Variants in CNTN4 observed in about 807,000 individuals in gnomAD.
CNTN4 encodes the protein contactin 4, also known as contactin-4.
A neutral mutation model predicts 122.5 loss-of-function variants in CNTN4; 77 were observed. The observed-to-expected ratio is 0.63, with a 90% CI of 0.52 to 0.76. The LOEUF (loss-of-function observed/expected upper bound fraction) is 0.76. Among genes scored for constraint, CNTN4 ranks in the 30% least tolerant of loss-of-function variants. The pLI is 0.00. For synonymous variants in CNTN4, 512 were observed against 447.0 expected (o/e 1.15, Z -1.83); for missense variants, 1,256 against 1,259.1 (o/e 1.00, Z 0.04).
intron 2 of CNTN4, among the ~76,000 whole-genome samples, chr3:2,136,151 G>C (rs2034680557): frequency 6.6e-6 from 1 of 152,150 alleles, no homozygotes; most frequent in South Asian, 2.1e-4. Context: ...GGAGGTGTAA[G>C]GATGTAATCC....
chr3:2,346,211 C>T (rs929982367), intron 3 of CNTN4, among the ~76,000 whole-genome samples: 5 of 151,988 alleles, frequency 3.3e-5, no homozygotes, highest in Admixed American at 2.0e-4. Flanking sequence ...TTATTTCGGA[C>T]GTTTCACTGT....
intron 3 of CNTN4, among the ~76,000 whole-genome samples, chr3:2,520,365 T>C (rs1317959762): frequency 2.7e-5 from 4 of 146,748 alleles, no homozygotes; most frequent in Non-Finnish European, 6.0e-5. Flanking sequence ...ATTCACCATC[T>C]GGGCTCAAGT....
intron 2 of CNTN4, among the ~76,000 whole-genome samples, chr3:2,129,671 A>G (rs2034358144): frequency 6.6e-6 from 1 of 151,762 alleles, no homozygotes; most frequent in African/African-American, 2.4e-5. Flanking sequence ...TATTAAAGTT[A>G]GATTGTTTCT....
chr3:3,017,787 C>G (rs1697904496), intron 14 of CNTN4, among the ~76,000 whole-genome samples: 1 of 152,322 alleles, frequency 6.6e-6, no homozygotes, highest in East Asian at 1.9e-4. Flanking sequence ...ATAAGATGAA[C>G]TCCCAAACCA....
At chr3:2,887,723 G>A (rs141026473) in intron 10 of CNTN4, among the ~76,000 whole-genome samples, 16 of 152,206 alleles carry the variant, frequency 1.1e-4, no homozygotes, top group Middle Eastern at 6.8e-3. Context: ...AGAGTGGAAC[G>A]TGACAAATCT....
intron 13 of CNTN4, among the ~76,000 whole-genome samples, chr3:2,979,932 G>T (rs1342916587): frequency 6.6e-6 from 1 of 152,134 alleles, no homozygotes; most frequent in Non-Finnish European, 1.5e-5. Flanking sequence ...TCTCCATTTT[G>T]GGATAATCCT....
chr3:2,656,686 T>C (rs1449322481), intron 4 of CNTN4, among the ~76,000 whole-genome samples: 1 of 152,240 alleles, frequency 6.6e-6, no homozygotes, highest in African/African-American at 2.4e-5. Context: ...CTAATTAATT[T>C]TCTGAATGTG....
chr3:2,250,531 T>G (rs551405305), intron 2 of CNTN4, among the ~76,000 whole-genome samples: 1 of 152,014 alleles, frequency 6.6e-6, no homozygotes, highest in South Asian at 2.1e-4. Flanking sequence ...GGGAGGATAT[T>G]GAATATTCCC....
chr3:2,486,029 C>T (rs777787582), intron 3 of CNTN4, among the ~76,000 whole-genome samples: 10 of 152,080 alleles, frequency 6.6e-5, no homozygotes, highest in Admixed American at 3.3e-4. Flanking sequence ...CTCTTTGGGT[C>T]CACACTGCCT....
At chr3:2,607,410 T>C (rs76890575) in intron 4 of CNTN4, among the ~76,000 whole-genome samples, 7,782 of 152,162 alleles carry the variant, frequency 0.051, 214 homozygotes, top group Admixed American at 0.063. Flanking sequence ...AAAAAGGGAA[T>C]GAATAAATAA....
At chr3:3,040,357 A>G (rs1248041296) in intron 20 of CNTN4, 86 bp downstream of exon 20, 1 of 1,019,920 alleles carries the variant, frequency 9.8e-7, no homozygotes, top group East Asian at 2.4e-5. Flanking sequence ...TCAATTTCGC[A>G]TGGTACATGT....
At chr3:2,536,704 A>G (rs1448170550) in intron 3 of CNTN4, among the ~76,000 whole-genome samples, 1 of 151,766 alleles carries the variant, frequency 6.6e-6, no homozygotes, top group Non-Finnish European at 1.5e-5. Context: ...GATTACAGGC[A>G]TGAGCCACAA....
chr3:2,697,596 T>G (rs764403897), intron 4 of CNTN4, among the ~76,000 whole-genome samples: 1 of 152,230 alleles, frequency 6.6e-6, no homozygotes, highest in Non-Finnish European at 1.5e-5. Flanking sequence ...CAATGGATCT[T>G]AAGTCTTTGC....
Position 3,042,341 on chromosome 3 carries a change from C to T in CNTN4, c.2430C>T (p.Ala810=). Residue 810 remains alanine, a synonymous_variant, in exon 21 of 25, where the codon GCC becomes GCT. Transcript: ENST00000418658. The part of the protein sequence containing the change: ...EPTKPPASIF[A]RSLSATDIEV... Reference sequence around the variant, plus strand: ...CCAAACCACCAGCCAGTATCTTTGCCAGAAGTCTTTCTGCCACAGATATTG... The same window carrying T: ...CCAAACCACCAGCCAGTATCTTTGCTAGAAGTCTTTCTGCCACAGATATTG... 6.2e-7 allele frequency: 1 copy of T among 1,614,110 alleles called. No individual in the cohort carries two copies. Among genetic ancestry groups the T allele is most frequent in the Non-Finnish European group, 8.5e-7 (1 of 1,179,980 alleles).
chr3:2,879,467 A>C (rs1256303130), intron 8 of CNTN4, among the ~76,000 whole-genome samples: 1 of 152,190 alleles, frequency 6.6e-6, no homozygotes, highest in African/African-American at 2.4e-5. Flanking sequence ...GCGAATGGAG[A>C]AGGAAAATGT....
At chr3:2,435,326 A>G (rs62233810) in intron 3 of CNTN4, among the ~76,000 whole-genome samples, 26,053 of 152,118 alleles carry the variant, frequency 0.17, 2,921 homozygotes, top group Non-Finnish European at 0.26. Flanking sequence ...TAACCAATGC[A>G]CATTCTCCTG....
rs191343246 is a variant in CNTN4 at position 2,654,715 on chromosome 3, T to C, written c.56-81500T>C. Among the ~76,000 whole-genome samples the C allele has an allele frequency of 8.9e-4, 136 of 152,200 alleles. 1 individual carries two copies. Among genetic ancestry groups the C allele is most frequent in the Non-Finnish European group, 1.9e-3 (127 of 68,012 alleles). On this transcript the variant is annotated intron_variant, in intron 4 of 24. Coordinates refer to ENST00000418658, the MANE Select transcript of CNTN4 (RefSeq NM_175607.3). ...GATTAATATTATATGCTGCTTCCCT[T>C]TGGGCCTGTTTTTTCCCCCCAGTCC... is the stretch of plus-strand genomic sequence containing the variant.
At chr3:2,935,833 C>A (rs566264397) in intron 13 of CNTN4, among the ~76,000 whole-genome samples, 1 of 152,244 alleles carries the variant, frequency 6.6e-6, no homozygotes, top group South Asian at 2.1e-4. Flanking sequence ...TTGTGCTATA[C>A]CTAGAGTAGA....
chr3:3,018,636 A>G (rs189104032), intron 14 of CNTN4, among the ~76,000 whole-genome samples: 31 of 152,276 alleles, frequency 2.0e-4, no homozygotes, highest in African/African-American at 6.5e-4. Flanking sequence ...CAAATTAGGA[A>G]ATGTTTTCAG....
Sources: gnomAD v4.1 joint callset for allele counts (sites outside exome capture counted in the v4.1 genomes callset) on GRCh38, gnomAD v4.1.1 for gene constraint, MANE v1.5 for transcripts, NCBI Gene and HGNC (gene_info 2026-07-23, HGNC 2026-07-21) for gene names.